Variants in TLL2 observed in about 807,000 individuals in gnomAD.
TLL2 encodes the protein tolloid like 2.
Under a neutral mutation model 123.0 loss-of-function variants are expected in TLL2, and 106 were observed. The ratio of observed to expected loss-of-function variants is 0.86; its 90% CI spans 0.74 to 1.01. The LOEUF (loss-of-function observed/expected upper bound fraction) is 1.01, where lower values mean the gene tolerates loss of function less well. TLL2 is among the 50% of genes least tolerant of loss of function. The pLI is 0.00. For synonymous variants in TLL2, 494 were observed against 516.8 expected (o/e 0.96, Z 0.60); for missense variants, 1,332 against 1,336.7 (o/e 1.00, Z 0.06).
intron 1 of TLL2, among the ~76,000 whole-genome samples, chr10:96,510,777 AACCAAAGATCATAG>A (rs1467869695): frequency 1.3e-5 from 2 of 152,234 alleles, no homozygotes; most frequent in Non-Finnish European, 2.9e-5. Flanking sequence ...GTTGGGCTAG[AACCAAAGATCATAG>A]ACTCATAGAA....
rs761523021 is a variant in TLL2, at chr10:96,384,649, C to T, written c.2132G>A (p.Arg711His). The T allele has an allele frequency of 9.9e-6, 16 of 1,612,504 alleles. No homozygotes were observed. In the Admixed American group the frequency reaches 1.3e-4, roughly 13 times the overall value. The change falls in exon 16 of 21, where the codon CGC becomes CAC. Residue 711 changes from arginine to histidine, a missense_variant. Coordinates refer to ENST00000357947, the MANE Select transcript of TLL2 (RefSeq NM_012465.4). ...GGTGTTGTCGGACTTGAACTCCACG[C>T]GCATGTTGTTGCTCTGCGAGGTGAT... The part of the protein sequence containing the change: ...EVITSQSNNM[R>H]VEFKSDNTVS...
Position 96,455,916 on chromosome 10 carries a change from A to C in TLL2, c.287-9748T>G, listed in dbSNP as rs916969350. ...GATCGGCACCCCTTTCCAGTAACATAATGGCTTCCAAATTGCAGGCTAGAG... is the reference window on the plus strand; with the variant it reads ...GATCGGCACCCCTTTCCAGTAACATCATGGCTTCCAAATTGCAGGCTAGAG... On this transcript the variant is annotated intron_variant, in intron 2 of 20. Transcript: ENST00000357947. Among the ~76,000 whole-genome samples the C allele has an allele frequency of 3.9e-5, 6 of 152,200 alleles. No individual in the cohort carries two copies. The South Asian group carries it at 1.0e-3, about 26-fold the overall frequency.
At chr10:96,402,994 T>C (rs1448403822) in intron 10 of TLL2, among the ~76,000 whole-genome samples, 1 of 152,222 alleles carries the variant, frequency 6.6e-6, no homozygotes, top group Non-Finnish European at 1.5e-5. Context: ...CAAGTTGGGC[T>C]TTCTGCTCAC....
Position 96,513,829 on chromosome 10 carries a change from A to G in TLL2, c.-144T>C. Reference sequence around the variant, plus strand: ...GCTGGGCATGGCTCAGGCGCGGAGCAAGCGGAGCGCGGCGCCCCCTGTCTT... The same window carrying G: ...GCTGGGCATGGCTCAGGCGCGGAGCGAGCGGAGCGCGGCGCCCCCTGTCTT... On this transcript the variant is annotated 5_prime_UTR_variant, in exon 1 of 21. Coordinates refer to ENST00000357947, the MANE Select transcript of TLL2 (RefSeq NM_012465.4). The G allele has an allele frequency of 1.1e-6, 1 of 879,934 alleles. No homozygotes were observed. Among genetic ancestry groups the G allele is most frequent in the Non-Finnish European group, 1.6e-6 (1 of 639,196 alleles). 54.5% of individuals were successfully genotyped at this position (879,934 alleles called of 1,614,324 possible).
chr10:96,392,986 G>A (rs2134061441), intron 13 of TLL2, among the ~76,000 whole-genome samples: 2 of 152,334 alleles, frequency 1.3e-5, no homozygotes, highest in Non-Finnish European at 2.9e-5. Flanking sequence ...GCAGAGGTCT[G>A]TGATGCAGCA....
At chr10:96,474,632 G>T (rs868676946) in intron 2 of TLL2, among the ~76,000 whole-genome samples, 30 of 152,212 alleles carry the variant, frequency 2.0e-4, no homozygotes, top group African/African-American at 7.2e-4. Context: ...TAGCATGAAG[G>T]GCCTTAAGAG....
chr10:96,432,172 G>A (rs1364016662), intron 4 of TLL2, among the ~76,000 whole-genome samples: 2 of 152,120 alleles, frequency 1.3e-5, no homozygotes. Context: ...ACTAATTACT[G>A]TGTGCCAGGC....
rs954399074 is a variant in TLL2, at chr10:96,386,118, C to G, written c.1950G>C (p.Val650=). ...YPTNKNCVWQ[V]VAPAQYRISL... ...AGATCCGGTACTGAGCGGGGGCCAC[C>G]ACCTGCCAGACACAGTTTTTGTTTG... The change falls in exon 15 of 21, where the codon GTG becomes GTC. Residue 650 remains valine, a synonymous_variant. Transcript: ENST00000357947. 4 of 1,612,918 alleles carry G rather than the reference C, an allele frequency of 2.5e-6. No individual in the cohort carries two copies. Among genetic ancestry groups the G allele is most frequent in the Admixed American group, 1.7e-5 (1 of 59,892 alleles).
At chr10:96,443,347 T>C (rs1846866968) in intron 3 of TLL2, among the ~76,000 whole-genome samples, 1 of 152,156 alleles carries the variant, frequency 6.6e-6, no homozygotes, top group South Asian at 2.1e-4. Context: ...TTCTGTTCCT[T>C]CCCTCTGGGA....
chr10:96,369,295 A>G (rs1589402337), intron 20 of TLL2, among the ~76,000 whole-genome samples: 1 of 152,208 alleles, frequency 6.6e-6, no homozygotes, highest in Admixed American at 6.5e-5. Flanking sequence ...TAGGCCCACT[A>G]AAGAAATCAA....
At chr10:96,427,022 G>A (rs973464247) in intron 5 of TLL2, among the ~76,000 whole-genome samples, 2 of 152,110 alleles carry the variant, frequency 1.3e-5, no homozygotes, top group African/African-American at 4.8e-5. Context: ...TCCAGACATA[G>A]CTTTAGCTAT....
intron 13 of TLL2, among the ~76,000 whole-genome samples, chr10:96,392,011 C>T (rs1001102374): frequency 1.3e-5 from 2 of 152,230 alleles, no homozygotes; most frequent in Non-Finnish European, 2.9e-5. Flanking sequence ...TCCACACCCA[C>T]ACAGCAATGT....
chr10:96,478,341 GCA>G (rs1847279613), intron 2 of TLL2, among the ~76,000 whole-genome samples: 1 of 152,218 alleles, frequency 6.6e-6, no homozygotes, highest in Non-Finnish European at 1.5e-5. Context: ...ACTGGATCCT[GCA>G]CAGACACCAC....
intron 13 of TLL2, among the ~76,000 whole-genome samples, chr10:96,388,078 C>T (rs866589941): frequency 2.0e-5 from 3 of 152,134 alleles, no homozygotes; most frequent in Middle Eastern, 3.4e-3. Context: ...AGTTCAGGTC[C>T]ACAGCACCAC....
chr10:96,479,098 A>T (rs1847286309), intron 2 of TLL2, among the ~76,000 whole-genome samples: 1 of 152,236 alleles, frequency 6.6e-6, no homozygotes, highest in Non-Finnish European at 1.5e-5. Flanking sequence ...GAGCTTAAGT[A>T]AAGTTCTGAA....
rs1846615581 is a variant in TLL2, at chr10:96,421,025, T to G, written c.854A>C (p.Glu285Ala). ...GTATGTCTCTCCCAGAGAGCTCACT[T>G]CCCCAGCTTCCATTTTTAAGAAATT... ...EYNFLKMEAG[E>A]VSSLGETYDF... Residue 285 changes from glutamate to alanine, a missense_variant, in exon 7 of 21, where the codon GAA (glutamate) becomes GCA (alanine). Physicochemically the swap from Glu to Ala is moderately radical, Grantham distance 107. Transcript: ENST00000357947. 2.5e-6 allele frequency: 4 copies of G among 1,613,968 alleles called. No homozygotes were observed. The highest frequency in any genetic ancestry group is 2.5e-6 in the Non-Finnish European group (3 of 1,179,960).
rs796939029 is a variant in TLL2, at chr10:96,462,756, C to G, written c.287-16588G>C. ...TAACTCATGCCTGAATGAAATTTAT[C>G]TAACAGAGGGACTTTCTCCATAAGG... On this transcript the variant is annotated intron_variant, in intron 2 of 20. Coordinates refer to ENST00000357947, the MANE Select transcript of TLL2 (RefSeq NM_012465.4). Among the ~76,000 whole-genome samples the G allele has an allele frequency of 4.0e-4, 61 of 152,334 alleles. 1 individual carries two copies. In the Middle Eastern group the frequency reaches 0.014, roughly 34 times the overall value.
chr10:96,417,231 A>C lies in TLL2; in HGVS notation c.923+3725T>G, dbSNP rs987740175. Among the ~76,000 whole-genome samples the C allele has an allele frequency of 5.3e-5, 8 of 152,322 alleles. No individual in the cohort carries two copies. In the East Asian group the frequency reaches 1.5e-3, roughly 29 times the overall value. On this transcript the variant is annotated intron_variant, in intron 7 of 20. Transcript: ENST00000357947. ...GGTCTTTGTGACCAGAAGTAATGAC[A>C]TGGAGTTGGGAGCGGGGAAACTATT...
At chr10:96,379,244 TGG>T (rs1240376979) in intron 16 of TLL2, 152 bp from the exon 17 acceptor site, 1 of 992,798 alleles carries the variant, frequency 1.0e-6, no homozygotes, top group Non-Finnish European at 1.5e-6. Context: ...AGGAGTGAAG[TGG>T]GAAGCATCTT....
Sources: gnomAD v4.1 joint callset for allele counts (sites outside exome capture counted in the v4.1 genomes callset) on GRCh38, gnomAD v4.1.1 for gene constraint, MANE v1.5 for transcripts, NCBI Gene and HGNC (gene_info 2026-07-23, HGNC 2026-07-21) for gene names.